The following MAST4 variants were observed in gnomAD, a reference collection of about 807,000 sequenced individuals.
MAST4 encodes microtubule associated serine/threonine kinase family member 4, also known as microtubule-associated serine/threonine-protein kinase 4.
MAST4 carries 89 observed loss-of-function variants against 162.7 expected under a neutral mutation model. That is an observed-to-expected ratio of 0.55 (90% CI 0.46 to 0.65). The LOEUF (loss-of-function observed/expected upper bound fraction) is 0.65, where lower values mean the gene tolerates loss of function less well. MAST4 is among the 30% of genes least tolerant of loss of function. The pLI is 0.00. For synonymous variants in MAST4, 1,479 were observed against 1,361.1 expected (o/e 1.09, Z -1.91); for missense variants, 3,153 against 3,374.0 (o/e 0.93, Z 1.62).
chr5:66,919,138 A>ACACACACACACACACAC, intron 4 of MAST4, among the ~76,000 whole-genome samples: 1 of 151,056 alleles, frequency 6.6e-6, no homozygotes, highest in Non-Finnish European at 1.5e-5. Flanking sequence ...ACACACACAC[A>ACACACACACACACACAC]AATTTGAGAT....
intron 5 of MAST4, among the ~76,000 whole-genome samples, chr5:67,055,167 A>G (rs1253775513): frequency 1.3e-5 from 2 of 152,198 alleles, no homozygotes; most frequent in Non-Finnish European, 1.5e-5. Flanking sequence ...AGTGAGAGAA[A>G]GGGAATTCTC....
Position 67,136,591 on chromosome 5 carries a change from G to A in MAST4, c.2421G>A (p.Glu807=). 6.2e-7 allele frequency: 1 copy of A among 1,606,202 alleles called. No individual in the cohort carries two copies. The highest frequency in any genetic ancestry group is 1.1e-5 in the South Asian group (1 of 88,866). The change falls in exon 19 of 29, where the codon GAG becomes GAA. Residue 807 remains glutamate (E), a synonymous_variant. Coordinates refer to ENST00000403625, the MANE Select transcript of MAST4 (RefSeq NM_001164664.2). ...SDEINWPEKD[E]APPPDAQDLI... The stretch of plus-strand genomic sequence containing the variant: ...AGATCAACTGGCCTGAGAAGGATGA[G>A]GCACCCCCACCTGATGCCCAGGATC...
At chr5:66,864,440 C>A (rs909256414) in intron 3 of MAST4, among the ~76,000 whole-genome samples, 12 of 152,256 alleles carry the variant, frequency 7.9e-5, no homozygotes, top group African/African-American at 2.6e-4. Context: ...GGAATCCAGA[C>A]AGGCCGCCAG....
At chr5:67,105,883 G>T (rs1765541663) in intron 10 of MAST4, among the ~76,000 whole-genome samples, 1 of 152,050 alleles carries the variant, frequency 6.6e-6, no homozygotes, top group Non-Finnish European at 1.5e-5. Flanking sequence ...TATCTGCTTT[G>T]TTCACCTAGG....
At chr5:66,820,113 C>T (rs1436611383) in intron 3 of MAST4, among the ~76,000 whole-genome samples, 1 of 152,074 alleles carries the variant, frequency 6.6e-6, no homozygotes, top group Non-Finnish European at 1.5e-5. Context: ...CATCACTGCA[C>T]TCAGCCACTA....
chr5:66,732,586 A>G (rs1271322665), intron 1 of MAST4, among the ~76,000 whole-genome samples: 2 of 152,188 alleles, frequency 1.3e-5, no homozygotes, highest in Non-Finnish European at 2.9e-5. Context: ...GGGCAAGGAC[A>G]ATGCTTTGTG....
chr5:66,871,402 G>A (rs555656088), intron 3 of MAST4, among the ~76,000 whole-genome samples: 78 of 152,136 alleles, frequency 5.1e-4, no homozygotes, highest in Non-Finnish European at 9.4e-4. Context: ...TACCAAGCTG[G>A]GATGGGTTGG....
intron 1 of MAST4, among the ~76,000 whole-genome samples, chr5:66,614,798 A>G (rs1200723943): frequency 6.6e-6 from 1 of 152,182 alleles, no homozygotes; most frequent in African/African-American, 2.4e-5. Context: ...CACGGGACAC[A>G]TGCAGGGAGA....
At chr5:66,846,391 G>A (rs1303405476) in intron 3 of MAST4, among the ~76,000 whole-genome samples, 1 of 152,152 alleles carries the variant, frequency 6.6e-6, no homozygotes, top group Non-Finnish European at 1.5e-5. Context: ...GCCTTGAGGA[G>A]CTAAAGCTAT....
At chr5:66,625,189 C>T (rs962117518) in intron 1 of MAST4, among the ~76,000 whole-genome samples, 2 of 152,066 alleles carry the variant, frequency 1.3e-5, no homozygotes, top group Non-Finnish European at 2.9e-5. Flanking sequence ...TGTGTGTCTT[C>T]TCCAGCAAGA....
At chr5:66,727,208 A>G (rs1203542227) in intron 1 of MAST4, among the ~76,000 whole-genome samples, 1 of 152,216 alleles carries the variant, frequency 6.6e-6, no homozygotes. Flanking sequence ...CTACCAACAC[A>G]CACATAACTA....
chr5:67,052,060 C>T (rs746992371), intron 4 of MAST4, among the ~76,000 whole-genome samples: 4 of 152,086 alleles, frequency 2.6e-5, no homozygotes, highest in Non-Finnish European at 5.9e-5. Flanking sequence ...ATAAGATATA[C>T]CTTCGATAAT....
At chr5:66,786,433 A>T (rs898635215) in intron 2 of MAST4, among the ~76,000 whole-genome samples, 6 of 152,202 alleles carry the variant, frequency 3.9e-5, no homozygotes, top group Non-Finnish European at 8.8e-5. Flanking sequence ...GAACAAAGAA[A>T]ATGCAAATAA....
intron 1 of MAST4, among the ~76,000 whole-genome samples, chr5:66,671,565 A>G (rs764507884): frequency 6.7e-6 from 1 of 149,336 alleles, no homozygotes; most frequent in Non-Finnish European, 1.5e-5. Flanking sequence ...GGGGCTGTTA[A>G]TGGCTTTTTG....
At chr5:66,810,371 C>G (rs1756417751) in intron 3 of MAST4, among the ~76,000 whole-genome samples, 1 of 152,196 alleles carries the variant, frequency 6.6e-6, no homozygotes, top group Non-Finnish European at 1.5e-5. Flanking sequence ...GATAGACGTT[C>G]TGCTATCTTT....
At chr5:67,120,820 G>A (rs1353410073) in intron 13 of MAST4, among the ~76,000 whole-genome samples, 197 bp from the exon 14 acceptor site, 1 of 152,182 alleles carries the variant, frequency 6.6e-6, no homozygotes, top group Non-Finnish European at 1.5e-5. Context: ...ATTCGCTTAA[G>A]TGACAGTGTC....
chr5:66,689,780 A>G (rs1430835238), intron 1 of MAST4, among the ~76,000 whole-genome samples: 1 of 152,186 alleles, frequency 6.6e-6, no homozygotes, highest in African/African-American at 2.4e-5. Context: ...CAGTCATTAA[A>G]ACGTACAGTG....
intron 4 of MAST4, among the ~76,000 whole-genome samples, chr5:66,934,188 CT>C (rs1260114359): frequency 1.4e-5 from 2 of 144,718 alleles, no homozygotes; most frequent in African/African-American, 5.0e-5. Context: ...TGTGAATATA[CT>C]ATTGACTACT....
At chr5:66,910,060 A>C (rs1763644827) in intron 4 of MAST4, among the ~76,000 whole-genome samples, 1 of 152,212 alleles carries the variant, frequency 6.6e-6, no homozygotes, top group Non-Finnish European at 1.5e-5. Flanking sequence ...GAACAGACTA[A>C]TACAGGTATG....
Sources: gnomAD v4.1 joint callset for allele counts (sites outside exome capture counted in the v4.1 genomes callset) on GRCh38, gnomAD v4.1.1 for gene constraint, MANE v1.5 for transcripts, NCBI Gene and HGNC (gene_info 2026-07-23, HGNC 2026-07-21) for gene names.